DAB1: variants seen among roughly 807,000 people sequenced by gnomAD.
The protein encoded by DAB1 is DAB adaptor protein 1.
DAB1 carries 15 observed loss-of-function variants against 64.6 expected under a neutral mutation model. That is an observed-to-expected ratio of 0.23 (90% CI 0.16 to 0.36). The LOEUF is 0.36. Among genes scored for constraint, DAB1 ranks in the 10% least tolerant of loss-of-function variants. The pLI is 1.00. For synonymous variants in DAB1, 235 were observed against 251.9 expected, an observed-to-expected ratio of 0.93 and a Z score of 0.64; for missense variants, 596 against 706.7, an observed-to-expected ratio of 0.84 and a Z score of 1.78.
intron 8 of DAB1, among the ~76,000 whole-genome samples, chr1:57,067,825 C>T (rs763869288): frequency 9.9e-5 from 15 of 152,172 alleles, no homozygotes; most frequent in Non-Finnish European, 1.9e-4. Context: ...CCAGACTCCA[C>T]ATTTTGTGAC....
At chr1:57,523,268 A>T (rs1340950718) in intron 7 of DAB1, among the ~76,000 whole-genome samples, 3 of 152,192 alleles carry the variant, frequency 2.0e-5, no homozygotes, top group African/African-American at 7.2e-5. Flanking sequence ...AGAGAAATAG[A>T]TTGGTTCCAG....
At chr1:57,577,804 T>C (rs1645267697) in intron 7 of DAB1, among the ~76,000 whole-genome samples, 1 of 152,238 alleles carries the variant, frequency 6.6e-6, no homozygotes, top group South Asian at 2.1e-4. Flanking sequence ...GCTGCCATTC[T>C]CTTGAAAATG....
intron 5 of DAB1, among the ~76,000 whole-genome samples, chr1:58,117,432 A>G (rs552453295): frequency 1.3e-5 from 2 of 152,312 alleles, no homozygotes; most frequent in South Asian, 4.1e-4. Flanking sequence ...GACTGACCTA[A>G]TTCCATCTGA....
At chr1:57,287,705 G>A (rs1407542682) in intron 2 of DAB1, among the ~76,000 whole-genome samples, 2 of 152,096 alleles carry the variant, frequency 1.3e-5, no homozygotes, top group Non-Finnish European at 2.9e-5. Context: ...TTTGTTTAAT[G>A]AAATACTATT....
chr1:57,536,177 T>A (rs771313147), intron 7 of DAB1, among the ~76,000 whole-genome samples: 3 of 152,124 alleles, frequency 2.0e-5, no homozygotes, highest in Non-Finnish European at 2.9e-5. Flanking sequence ...CATTAATTGA[T>A]CCATGTCCCA....
intron 2 of DAB1, among the ~76,000 whole-genome samples, chr1:57,227,828 G>C (rs557211315): frequency 6.6e-6 from 1 of 152,068 alleles, no homozygotes; most frequent in Non-Finnish European, 1.5e-5. Flanking sequence ...AAGTGCTAGG[G>C]TTACAGGCGT....
intron 6 of DAB1, among the ~76,000 whole-genome samples, chr1:57,660,853 G>C (rs1351907505): frequency 6.6e-6 from 1 of 152,212 alleles, no homozygotes; most frequent in Non-Finnish European, 1.5e-5. Flanking sequence ...AATTGATTGA[G>C]GCCTTTACTG....
intron 4 of DAB1, among the ~76,000 whole-genome samples, chr1:57,101,743 A>C (rs753133322): frequency 6.6e-6 from 1 of 152,212 alleles, no homozygotes; most frequent in Non-Finnish European, 1.5e-5. Flanking sequence ...CAGGAGTGAG[A>C]ATAAATAGCT....
At chr1:57,150,812 G>C (rs1364991933) in intron 2 of DAB1, among the ~76,000 whole-genome samples, 1 of 152,116 alleles carries the variant, frequency 6.6e-6, no homozygotes, top group Admixed American at 6.5e-5. Context: ...GGCTTAGACT[G>C]TTTAGCAATC....
At chr1:57,103,476 A>C (rs529747803) in intron 4 of DAB1, among the ~76,000 whole-genome samples, 1 of 152,270 alleles carries the variant, frequency 6.6e-6, no homozygotes, top group South Asian at 2.1e-4. Context: ...TCTACTGTGG[A>C]CGTGACGTTT....
At chr1:57,695,296 G>GA (rs1557427635) in intron 6 of DAB1, among the ~76,000 whole-genome samples, 643 of 55,906 alleles carry the variant, frequency 0.012, 102 homozygotes, top group African/African-American at 0.034. Flanking sequence ...AAGGGAGAGA[G>GA]AAGGAAAGAA....
chr1:57,176,835 C>T (rs1479132263), intron 2 of DAB1, among the ~76,000 whole-genome samples: 7 of 151,736 alleles, frequency 4.6e-5, no homozygotes, highest in South Asian at 2.1e-4. Flanking sequence ...GATGAGGAAG[C>T]GGTTTATCTA....
At chr1:57,193,535 C>T (rs1186259197) in intron 2 of DAB1, among the ~76,000 whole-genome samples, 2 of 151,732 alleles carry the variant, frequency 1.3e-5, no homozygotes, top group Admixed American at 6.6e-5. Context: ...TGCAGGCGCC[C>T]GCCACTATGC....
At chr1:57,212,226 C>G (rs144089425) in intron 2 of DAB1, among the ~76,000 whole-genome samples, 281 of 152,120 alleles carry the variant, frequency 1.8e-3, no homozygotes, top group African/African-American at 6.5e-3. Context: ...TACGAATGAC[C>G]AGACCCCCAG....
chr1:58,520,743 C>A (rs1292313246), intron 2 of DAB1, among the ~76,000 whole-genome samples: 1 of 151,950 alleles, frequency 6.6e-6, no homozygotes, highest in African/African-American at 2.4e-5. Context: ...AGAAAAGGAC[C>A]AATCCACTAG....
intron 7 of DAB1, among the ~76,000 whole-genome samples, chr1:57,455,793 C>T (rs1056724484): frequency 1.3e-5 from 2 of 152,088 alleles, no homozygotes; most frequent in Non-Finnish European, 2.9e-5. Context: ...ACCCTCTCTC[C>T]TAATCTTCAG....
intron 4 of DAB1, among the ~76,000 whole-genome samples, chr1:58,255,315 AT>A (rs1333533784): frequency 6.6e-6 from 1 of 152,098 alleles, no homozygotes; most frequent in Admixed American, 6.5e-5. Flanking sequence ...GGCAAAGGGA[AT>A]TTATTAAGGC....
chr1:57,242,480 TC>T (rs1668567155), intron 2 of DAB1, among the ~76,000 whole-genome samples: 1 of 152,118 alleles, frequency 6.6e-6, no homozygotes, highest in Non-Finnish European at 1.5e-5. Context: ...TAACACGTGG[TC>T]GATTAGCACA....
intron 3 of DAB1, among the ~76,000 whole-genome samples, chr1:58,433,352 T>C (rs1256307197): frequency 1.3e-5 from 2 of 152,004 alleles, no homozygotes; most frequent in Admixed American, 6.6e-5. Context: ...AGGATGACAT[T>C]TGAGAAGAGA....
Sources: allele counts gnomAD v4.1 joint callset (sites outside exome capture counted in the v4.1 genomes callset), GRCh38; gene constraint gnomAD v4.1.1; transcripts MANE v1.5; gene names NCBI Gene and HGNC (gene_info 2026-07-23, HGNC 2026-07-21).